The following ROR2 variants were observed in gnomAD, a reference collection of about 807,000 sequenced individuals.
ROR2 encodes the protein ROR family WNT receptor 2.
In ROR2, 33 loss-of-function variants were observed where a neutral mutation model predicts 74.9. The ratio of observed to expected loss-of-function variants is 0.44; its 90% confidence interval spans 0.33 to 0.59. ROR2 has a LOEUF of 0.59. ROR2 is among the 20% of genes least tolerant of loss of function. ROR2 has a pLI of 0.02. For missense variants in ROR2, 1,216 were observed against 1,313.8 expected, an observed-to-expected ratio of 0.93 and a Z score of 1.15; for synonymous variants, 586 against 558.7, an observed-to-expected ratio of 1.05 and a Z score of -0.69.
intron 1 of ROR2, among the ~76,000 whole-genome samples, chr9:91,807,679 G>A (rs1440711419): frequency 1.3e-5 from 2 of 152,104 alleles, no homozygotes; most frequent in African/African-American, 4.8e-5. Flanking sequence ...GTGGACTGGA[G>A]GACACCCAGC....
At chr9:91,773,128 C>CCT (rs374672030) in intron 2 of ROR2, among the ~76,000 whole-genome samples, 152 of 152,274 alleles carry the variant, frequency 1.0e-3, no homozygotes, top group African/African-American at 3.4e-3. Flanking sequence ...CCCCTGCAGC[C>CCT]CTCTGCTCCA....
At chr9:91,740,520 C>T (rs968959884) in intron 4 of ROR2, among the ~76,000 whole-genome samples, 9 of 150,072 alleles carry the variant, frequency 6.0e-5, no homozygotes, top group African/African-American at 1.7e-4. Flanking sequence ...CCACTGCACT[C>T]CAGCCTGGGT....
intron 1 of ROR2, among the ~76,000 whole-genome samples, chr9:91,861,570 T>C (rs1357532852): frequency 6.6e-6 from 1 of 152,216 alleles, no homozygotes; most frequent in East Asian, 1.9e-4. Context: ...AGGAATGAAG[T>C]TGGAGCCCTT....
chr9:91,856,719 G>T (rs1294851000), intron 1 of ROR2, among the ~76,000 whole-genome samples: 2 of 152,156 alleles, frequency 1.3e-5, no homozygotes, highest in African/African-American at 4.8e-5. Context: ...GCCCAGTCTG[G>T]GGTACTTACG....
chr9:91,872,941 T>A (rs535311229), intron 1 of ROR2, among the ~76,000 whole-genome samples: 1 of 152,360 alleles, frequency 6.6e-6, no homozygotes, highest in African/African-American at 2.4e-5. Flanking sequence ...GACCATGGCA[T>A]GACTCAAACA....
chr9:91,826,771 G>A (rs1454418262), intron 1 of ROR2, among the ~76,000 whole-genome samples: 1 of 144,582 alleles, frequency 6.9e-6, no homozygotes, highest in Admixed American at 7.5e-5. Flanking sequence ...GCAACAGAGA[G>A]AGACTCCGTC....
chr9:91,857,346 C>A (rs922270641), intron 1 of ROR2, among the ~76,000 whole-genome samples: 2 of 152,146 alleles, frequency 1.3e-5, no homozygotes, highest in Non-Finnish European at 2.9e-5. Flanking sequence ...GGGGCCTCGC[C>A]GCCCCGCCAC....
chr9:91,845,489 C>T (rs183758316), intron 1 of ROR2, among the ~76,000 whole-genome samples: 1 of 152,140 alleles, frequency 6.6e-6, no homozygotes, highest in Non-Finnish European at 1.5e-5. Flanking sequence ...CCAGTCAGCA[C>T]CTTTCAGAAG....
At chr9:91,746,388 C>A (rs1343170016) in intron 4 of ROR2, among the ~76,000 whole-genome samples, 1 of 152,166 alleles carries the variant, frequency 6.6e-6, no homozygotes, top group Non-Finnish European at 1.5e-5. Flanking sequence ...GGCCTGGTTT[C>A]TGCTCACGTC....
intron 1 of ROR2, chr9:91,887,023 G>A (rs984356850): frequency 5.3e-5 from 8 of 152,108 alleles, no homozygotes; most frequent in African/African-American, 1.9e-4. Context: ...CAACTTCTCT[G>A]GCTCCCAGAG....
Position 91,731,146 on chromosome 9 carries a change from C to T in ROR2, c.947G>A (p.Cys316Tyr). 1 of 1,614,084 alleles carries T rather than the reference C, an allele frequency of 6.2e-7. No homozygotes were observed. Among genetic ancestry groups the T allele is most frequent in the Non-Finnish European group, 8.5e-7 (1 of 1,180,024 alleles). ...GTAATCCATGCCTGAGCCGTTATAG[C>T]ACTGATGGTCTGAACAAGGAAAACA... ...PAERLGRYHQCYNGSGMDYRG... is the reference protein window; with the variant it reads ...PAERLGRYHQYYNGSGMDYRG... The change falls in exon 7 of 9, where the codon TGC becomes TAC. Residue 316 changes from cysteine (C) to tyrosine (Y), a missense_variant. Cys to Tyr is a radical substitution (Grantham distance 194). Transcript: ENST00000375708.
chr9:91,832,572 A>C (rs1828493720), intron 1 of ROR2, among the ~76,000 whole-genome samples: 1 of 152,018 alleles, frequency 6.6e-6, no homozygotes, highest in South Asian at 2.1e-4. Flanking sequence ...AGTGAGTAGA[A>C]GGCCTCAAAA....
chr9:91,758,892 T>G (rs181759620), intron 2 of ROR2, among the ~76,000 whole-genome samples: 122 of 152,358 alleles, frequency 8.0e-4, no homozygotes, highest in Non-Finnish European at 1.6e-3. Flanking sequence ...AAGAGGAACA[T>G]GCAAATACAA....
Position 91,947,292 on chromosome 9 carries a change from C to G in ROR2, c.97+2575G>C, listed in dbSNP as rs1432340432. On this transcript the variant is annotated intron_variant, in intron 1 of 8. Coordinates refer to ENST00000375708, the MANE Select transcript of ROR2 (RefSeq NM_004560.4). ...GCTTTCCAGAGCCCTCTCAGTTACA[C>G]TGAGTGTCACATAGGGTCCACGGCG... 2.0e-5 allele frequency among the ~76,000 whole-genome samples: 3 copies of G among 152,176 alleles called. No individual in the cohort carries two copies. In the East Asian group the frequency reaches 5.8e-4, roughly 29 times the overall value.
chr9:91,929,803 G>A (rs1831504206), intron 1 of ROR2, among the ~76,000 whole-genome samples: 1 of 151,996 alleles, frequency 6.6e-6, no homozygotes, highest in East Asian at 1.9e-4. Flanking sequence ...GGAAGAGGAC[G>A]GCCACTACCT....
intron 1 of ROR2, among the ~76,000 whole-genome samples, chr9:91,929,030 T>A (rs1178641464): frequency 6.6e-6 from 1 of 152,236 alleles, no homozygotes; most frequent in Non-Finnish European, 1.5e-5. Context: ...GGGTTCATGC[T>A]GTCGAGCAAG....
intron 1 of ROR2, among the ~76,000 whole-genome samples, chr9:91,837,933 C>T (rs1828661636): frequency 6.6e-6 from 1 of 152,190 alleles, no homozygotes; most frequent in Non-Finnish European, 1.5e-5. Context: ...CCGAACCATA[C>T]TTTTCTTTTC....
chr9:91,746,991 C>A (rs994551517), intron 4 of ROR2, among the ~76,000 whole-genome samples: 1 of 152,124 alleles, frequency 6.6e-6, no homozygotes, highest in African/African-American at 2.4e-5. Flanking sequence ...GAAGGCAGCA[C>A]GCCCCACCCC....
chr9:91,917,240 C>T (rs775642548), intron 1 of ROR2, among the ~76,000 whole-genome samples: 3 of 152,198 alleles, frequency 2.0e-5, no homozygotes, highest in Non-Finnish European at 2.9e-5. Flanking sequence ...TACCCCCTTA[C>T]GCTGGGTCTG....
Sources: gnomAD v4.1 joint callset for allele counts (sites outside exome capture counted in the v4.1 genomes callset) on GRCh38, gnomAD v4.1.1 for gene constraint, MANE v1.5 for transcripts, NCBI Gene and HGNC (gene_info 2026-07-23, HGNC 2026-07-21) for gene names.